Variants in STK31 observed in about 807,000 individuals in gnomAD.
STK31 encodes serine/threonine-protein kinase 31.
In STK31, 89 loss-of-function variants were observed where a neutral mutation model predicts 129.7. That is an observed-to-expected ratio of 0.69 (90% CI 0.58 to 0.82). STK31 has a LOEUF of 0.82. Among genes scored for constraint, STK31 ranks in the 40% least tolerant of loss-of-function variants. The pLI, the probability that STK31 is intolerant of heterozygous loss-of-function variation, is 0.00. For missense variants in STK31, 1,187 were observed against 1,176.4 expected, an observed-to-expected ratio of 1.01 and a Z score of -0.13; for synonymous variants, 448 against 395.3, an observed-to-expected ratio of 1.13 and a Z score of -1.58.
chr7:23,819,923 T>A (rs977000741), intron 23 of STK31, among the ~76,000 whole-genome samples: 2 of 152,136 alleles, frequency 1.3e-5, no homozygotes, highest in South Asian at 4.1e-4. Context: ...TAGAGAGTGA[T>A]CACTTAAAAA....
At chr7:23,782,403 T>C (rs1258167821) in intron 16 of STK31, among the ~76,000 whole-genome samples, 1 of 146,826 alleles carries the variant, frequency 6.8e-6, no homozygotes. Context: ...ACCCAGGAGG[T>C]TGAGGCTGCA....
chr7:23,742,394 C>A (rs1788100568), intron 8 of STK31, among the ~76,000 whole-genome samples: 1 of 152,190 alleles, frequency 6.6e-6, no homozygotes, highest in Non-Finnish European at 1.5e-5. Flanking sequence ...GTGGCTGCAG[C>A]CATGTCTATA....
Position 23,809,159 on chromosome 7 carries a change from G to GT in STK31, c.2761-5977dup, listed in dbSNP as rs201964393. ...TGTTGTATTATAGCTAGAGTTGTTT[G>GT]TTTTTTTTAAGAGGAAAGGTTGATG... On this transcript the variant is annotated intron_variant, in intron 22 of 23. Coordinates refer to ENST00000355870, the MANE Select transcript of STK31 (RefSeq NM_031414.5). 1.4e-4 allele frequency among the ~76,000 whole-genome samples: 21 copies of GT among 149,174 alleles called. No individual in the cohort carries two copies. In the East Asian group the frequency reaches 1.9e-3, roughly 13 times the overall value.
intron 21 of STK31, 81 bp from the exon 22 acceptor site, chr7:23,790,743 T>C: frequency 7.9e-7 from 1 of 1,259,650 alleles, no homozygotes; most frequent in African/African-American, 1.5e-5. Flanking sequence ...TTGTTTTTTG[T>C]ATTGATTAAA....
chr7:23,797,376 CTCAGCA>C (rs1414047716), intron 22 of STK31, among the ~76,000 whole-genome samples: 4 of 152,054 alleles, frequency 2.6e-5, no homozygotes, highest in African/African-American at 9.7e-5. Flanking sequence ...TAAAACACTC[CTCAGCA>C]AATGCAAAAG....
At chr7:23,756,540 G>T (rs1414525276) in intron 10 of STK31, among the ~76,000 whole-genome samples, 2 of 152,176 alleles carry the variant, frequency 1.3e-5, no homozygotes, top group Non-Finnish European at 2.9e-5. Context: ...TGGTGAATAG[G>T]AGTGGTGAGA....
chr7:23,717,116 T>TTTTTTTTTTTTTTTTTTTTTTTTTTTTC (rs1786387047), intron 3 of STK31, among the ~76,000 whole-genome samples: 1 of 136,686 alleles, frequency 7.3e-6, no homozygotes. Context: ...TTTTTTTTTT[T>TTTTTTTTTTTTTTTTTTTTTTTTTTTTC]TTTTTTTTTA....
intron 3 of STK31, among the ~76,000 whole-genome samples, chr7:23,713,115 C>T (rs1304994511): frequency 6.6e-6 from 1 of 152,120 alleles, no homozygotes; most frequent in Non-Finnish European, 1.5e-5. Flanking sequence ...GCAACTGCGT[C>T]GCTGTATGAA....
At chr7:23,785,968 A>G (rs1372900682) in intron 18 of STK31, among the ~76,000 whole-genome samples, 1 of 152,184 alleles carries the variant, frequency 6.6e-6, no homozygotes, top group African/African-American at 2.4e-5. Flanking sequence ...CGTTGTGCAC[A>G]TGTACCCTAG....
chr7:23,720,539 A>T (rs1399315412), intron 4 of STK31, among the ~76,000 whole-genome samples: 3 of 152,138 alleles, frequency 2.0e-5, no homozygotes, highest in African/African-American at 7.2e-5. Flanking sequence ...TTCTAAATAC[A>T]CTTTTAAAAT....
intron 14 of STK31, chr7:23,771,934 C>T (rs1482282357): frequency 3.2e-6 from 1 of 312,386 alleles, no homozygotes; most frequent in Non-Finnish European, 5.8e-6. Flanking sequence ...GTCTTTGTTA[C>T]TTTGAGTGCT....
intron 6 of STK31, 94 bp from the exon 7 acceptor site, chr7:23,735,444 T>C: frequency 4.5e-6 from 5 of 1,110,702 alleles, no homozygotes; most frequent in Non-Finnish European, 5.2e-6. Context: ...GATTTTAGAA[T>C]GAAGAAATAT....
At chr7:23,772,336 T>C in intron 15 of STK31, 58 bp downstream of exon 15, 1 of 1,537,678 alleles carries the variant, frequency 6.5e-7, no homozygotes, top group Non-Finnish European at 8.7e-7. Flanking sequence ...ACTTGGTCTC[T>C]GCTTCATAAA....
chr7:23,758,171 T>C (rs534830049), intron 10 of STK31, among the ~76,000 whole-genome samples: 1 of 152,276 alleles, frequency 6.6e-6, no homozygotes, highest in African/African-American at 2.4e-5. Context: ...TGCCTTTCTT[T>C]TCCCCACACT....
At chr7:23,712,347 A>G in intron 3 of STK31, 61 bp downstream of exon 3, 2 of 1,504,442 alleles carry the variant, frequency 1.3e-6, no homozygotes, top group Non-Finnish European at 9.2e-7. Context: ...CTCCCCAACA[A>G]AAACAAAAAT....
At chr7:23,739,024 T>C (rs955513402) in intron 8 of STK31, among the ~76,000 whole-genome samples, 1 of 152,282 alleles carries the variant, frequency 6.6e-6, no homozygotes, top group Non-Finnish European at 1.5e-5. Context: ...ATGGTATTTC[T>C]TGTTCTAGAT....
At chr7:23,790,685 A>G (rs1791561870) in intron 21 of STK31, 139 bp from the exon 22 acceptor site, 1 of 874,680 alleles carries the variant, frequency 1.1e-6, no homozygotes, top group Admixed American at 3.5e-5. Flanking sequence ...AATAGCAGAA[A>G]TTGGTAAAAA....
At chr7:23,780,586 T>C (rs1195898495) in intron 15 of STK31, among the ~76,000 whole-genome samples, 1 of 152,090 alleles carries the variant, frequency 6.6e-6, no homozygotes, top group Admixed American at 6.6e-5. Flanking sequence ...GAGAGAGGGG[T>C]AGAGGAATAG....
intron 8 of STK31, among the ~76,000 whole-genome samples, chr7:23,745,960 C>G (rs2128087838): frequency 6.6e-6 from 1 of 152,288 alleles, no homozygotes; most frequent in South Asian, 2.1e-4. Context: ...ATGGCTGTTC[C>G]TCTGCCGTAG....
Sources: gnomAD v4.1 joint callset for allele counts (sites outside exome capture counted in the v4.1 genomes callset) on GRCh38, gnomAD v4.1.1 for gene constraint, MANE v1.5 for transcripts, NCBI Gene and HGNC (gene_info 2026-07-23, HGNC 2026-07-21) for gene names.